AFG2A: variants seen among roughly 807,000 people sequenced by gnomAD.
AFG2A encodes AAA ATPase AFG2A, also known as ATPase family gene 2 protein homolog A.
At chr4:123,277,499 C>CT in the AFG2A span, among the ~76,000 whole-genome samples, 1 of 152,160 alleles carries the variant, frequency 6.6e-6, no homozygotes, top group Admixed American at 6.5e-5. Flanking sequence ...CTGGCTAGGA[C>CT]TTCCAGTACT....
the AFG2A span, chr4:122,934,421 A>T: frequency 5.8e-4 from 939 of 1,614,106 alleles, 2 homozygotes; most frequent in Non-Finnish European, 7.6e-4. Context: ...AGCCCTGGAG[A>T]TGGCAGTGGA....
the AFG2A span, among the ~76,000 whole-genome samples, chr4:123,165,222 G>C: frequency 6.6e-6 from 1 of 152,146 alleles, no homozygotes; most frequent in Non-Finnish European, 1.5e-5. Context: ...AGAGTTAGGA[G>C]ATGCCTTGGG....
At chr4:122,977,919 C>T in the AFG2A span, among the ~76,000 whole-genome samples, 1 of 152,112 alleles carries the variant, frequency 6.6e-6, no homozygotes, top group Non-Finnish European at 1.5e-5. Flanking sequence ...TCACAAATGT[C>T]TAGCTTTCCG....
chr4:123,049,564 TA>T, the AFG2A span, among the ~76,000 whole-genome samples: 7 of 152,104 alleles, frequency 4.6e-5, no homozygotes, highest in Non-Finnish European at 1.0e-4. Flanking sequence ...TAAGTCTTGG[TA>T]AGTTGTGTCC....
the AFG2A span, among the ~76,000 whole-genome samples, chr4:122,957,200 C>G: frequency 3.9e-5 from 6 of 152,190 alleles, no homozygotes; most frequent in African/African-American, 1.4e-4. Context: ...CTTCAGGCCT[C>G]ATCGGCTATT....
At chr4:122,940,255 A>C in the AFG2A span, among the ~76,000 whole-genome samples, 2 of 152,002 alleles carry the variant, frequency 1.3e-5, no homozygotes, top group African/African-American at 4.8e-5. Flanking sequence ...CCAACAGTGT[A>C]AAAGTGTTCC....
chr4:123,314,080 C>A, the AFG2A span: 1 of 1,474,008 alleles, frequency 6.8e-7, no homozygotes, highest in East Asian at 2.5e-5. Context: ...TATATATATT[C>A]AAGATGCTGA....
At chr4:123,103,397 T>C in the AFG2A span, among the ~76,000 whole-genome samples, 2 of 152,136 alleles carry the variant, frequency 1.3e-5, no homozygotes, top group Non-Finnish European at 2.9e-5. Flanking sequence ...GTTTTACATA[T>C]GATGTCTAGT....
At chr4:122,975,030 G>A in the AFG2A span, among the ~76,000 whole-genome samples, 1 of 152,204 alleles carries the variant, frequency 6.6e-6, no homozygotes, top group Non-Finnish European at 1.5e-5. Flanking sequence ...TTTAACTAAT[G>A]AGGATGTCGA....
chr4:123,002,401 A>G, the AFG2A span, among the ~76,000 whole-genome samples: 6 of 152,030 alleles, frequency 3.9e-5, no homozygotes, highest in South Asian at 8.3e-4. Context: ...TCCTAGTCTC[A>G]ATGGTCTTTA....
chr4:123,112,409 A>G, the AFG2A span, among the ~76,000 whole-genome samples: 1 of 152,206 alleles, frequency 6.6e-6, no homozygotes, highest in Non-Finnish European at 1.5e-5. Flanking sequence ...TTTGAGTTAC[A>G]TGTTAGAGTC....
the AFG2A span, among the ~76,000 whole-genome samples, chr4:123,003,776 G>A: frequency 6.6e-6 from 1 of 152,116 alleles, no homozygotes; most frequent in Non-Finnish European, 1.5e-5. Context: ...CACTTGAGGA[G>A]GCAGTCTGCC....
chr4:122,935,582 G>A, the AFG2A span: 2 of 1,006,304 alleles, frequency 2.0e-6, no homozygotes, highest in Admixed American at 5.9e-5. Flanking sequence ...TCTGGAGGGG[G>A]AGAAAAAACT....
the AFG2A span, among the ~76,000 whole-genome samples, chr4:123,258,562 C>T: frequency 6.6e-6 from 1 of 152,064 alleles, no homozygotes; most frequent in African/African-American, 2.4e-5. Flanking sequence ...TAGACACAGC[C>T]ATTTTCTCAG....
At chr4:122,927,551 A>T in the AFG2A span, 2 of 1,370,112 alleles carry the variant, frequency 1.5e-6, no homozygotes, top group Non-Finnish European at 2.0e-6. Flanking sequence ...ATATGGTTAG[A>T]GTATTTTTAT....
the AFG2A span, among the ~76,000 whole-genome samples, chr4:123,129,708 G>T: frequency 2.0e-4 from 31 of 152,110 alleles, no homozygotes; most frequent in African/African-American, 7.5e-4. Context: ...GTTTGTCAAG[G>T]CTGGGCACGG....
the AFG2A span, among the ~76,000 whole-genome samples, chr4:123,267,621 G>A: frequency 3.3e-5 from 5 of 151,932 alleles, no homozygotes; most frequent in African/African-American, 7.2e-5. Flanking sequence ...CTTAAGGAGC[G>A]GTTTTATGAT....
the AFG2A span, among the ~76,000 whole-genome samples, chr4:123,144,568 C>T: frequency 6.6e-6 from 1 of 152,070 alleles, no homozygotes. Context: ...GTAAGTGAGA[C>T]TGTTGTAAAC....
chr4:123,121,340 C>G, the AFG2A span, among the ~76,000 whole-genome samples: 3 of 151,724 alleles, frequency 2.0e-5, no homozygotes, highest in South Asian at 6.2e-4. Context: ...TTAGCATAGT[C>G]TTATTGTACC....
Sources: gnomAD v4.1 joint callset for allele counts (sites outside exome capture counted in the v4.1 genomes callset) on GRCh38, gnomAD v4.1.1 for gene constraint, MANE v1.5 for transcripts, NCBI Gene and HGNC (gene_info 2026-07-23, HGNC 2026-07-21) for gene names.